Variants in SNTG1 observed in about 807,000 individuals in gnomAD.
The protein encoded by SNTG1 is gamma-1-syntrophin.
A neutral mutation model predicts 74.7 loss-of-function variants in SNTG1; 39 were observed. That is an observed-to-expected ratio of 0.52 (90% CI 0.40 to 0.68). SNTG1 has a LOEUF of 0.68. SNTG1 is among the 30% of genes least tolerant of loss of function. SNTG1 has a pLI of 0.00. For missense variants in SNTG1, 685 were observed against 609.5 expected (o/e 1.12, Z -1.30); for synonymous variants, 254 against 217.1 (o/e 1.17, Z -1.49).
intron 1 of SNTG1, among the ~76,000 whole-genome samples, chr8:50,108,584 C>T (rs762557938): frequency 2.6e-5 from 4 of 152,114 alleles, no homozygotes; most frequent in African/African-American, 4.8e-5. Context: ...ACAAAACTTT[C>T]GGTAAAATTT....
intron 1 of SNTG1, among the ~76,000 whole-genome samples, chr8:50,072,716 G>C (rs1821479309): frequency 6.6e-6 from 1 of 152,126 alleles, no homozygotes; most frequent in South Asian, 2.1e-4. Flanking sequence ...AAATAGCAAA[G>C]CTAACATTAA....
chr8:50,592,592 C>A (rs1011012452), intron 13 of SNTG1, among the ~76,000 whole-genome samples: 1 of 152,034 alleles, frequency 6.6e-6, no homozygotes, highest in Non-Finnish European at 1.5e-5. Context: ...ACACATAGAA[C>A]AAGTAATAAA....
intron 1 of SNTG1, among the ~76,000 whole-genome samples, chr8:50,097,197 C>G (rs945108212): frequency 1.3e-5 from 2 of 151,882 alleles, no homozygotes; most frequent in African/African-American, 2.4e-5. Context: ...GTCTCAATCT[C>G]CTGACCTCGT....
At chr8:50,516,977 C>T (rs1450214236) in intron 9 of SNTG1, among the ~76,000 whole-genome samples, 2 of 151,960 alleles carry the variant, frequency 1.3e-5, no homozygotes, top group Admixed American at 6.6e-5. Flanking sequence ...AAGAGCAATC[C>T]CAAGACACAT....
At chr8:49,926,001 A>G (rs879474263) in intron 1 of SNTG1, among the ~76,000 whole-genome samples, 28 of 152,220 alleles carry the variant, frequency 1.8e-4, no homozygotes, top group Non-Finnish European at 3.4e-4. Context: ...GAAGGTAGGT[A>G]GACCAGGTAC....
intron 4 of SNTG1, among the ~76,000 whole-genome samples, chr8:50,406,285 C>G (rs927207145): frequency 6.6e-6 from 1 of 151,860 alleles, no homozygotes; most frequent in Non-Finnish European, 1.5e-5. Flanking sequence ...AACCTTAGTA[C>G]TTGATAATTT....
chr8:50,663,560 G>C (rs971194152), intron 15 of SNTG1, among the ~76,000 whole-genome samples: 29 of 152,064 alleles, frequency 1.9e-4, no homozygotes, highest in African/African-American at 6.3e-4. Flanking sequence ...GCTCTGGTTT[G>C]ACTCGTTTTG....
At chr8:50,629,055 T>C (rs1036217469) in intron 13 of SNTG1, among the ~76,000 whole-genome samples, 2 of 152,132 alleles carry the variant, frequency 1.3e-5, no homozygotes, top group Non-Finnish European at 2.9e-5. Flanking sequence ...AGAATAGTAG[T>C]TGCCAGAGCC....
At chr8:50,579,969 G>A (rs112632252) in intron 12 of SNTG1, among the ~76,000 whole-genome samples, 7,058 of 152,274 alleles carry the variant, frequency 0.046, 290 homozygotes, top group African/African-American at 0.11. Context: ...AACTACTGAC[G>A]GCTTGCACCG....
intron 2 of SNTG1, among the ~76,000 whole-genome samples, chr8:50,272,441 A>G (rs923470684): frequency 6.6e-6 from 1 of 152,168 alleles, no homozygotes; most frequent in African/African-American, 2.4e-5. Context: ...CCAGGTGTGC[A>G]CAGAACTTTG....
At chr8:50,688,089 T>C (rs967274506) in intron 15 of SNTG1, among the ~76,000 whole-genome samples, 43 of 152,192 alleles carry the variant, frequency 2.8e-4, no homozygotes, top group Non-Finnish European at 5.3e-4. Context: ...CTTCACCCAC[T>C]TTTTGATGGG....
intron 2 of SNTG1, among the ~76,000 whole-genome samples, chr8:50,245,923 T>A (rs1563792372): frequency 6.6e-6 from 1 of 151,988 alleles, no homozygotes; most frequent in South Asian, 2.1e-4. Context: ...AAGAATTACA[T>A]CAATGCCTAT....
chr8:50,402,123 C>A, intron 3 of SNTG1, 87 bp from the exon 4 acceptor site: 2 of 1,327,794 alleles, frequency 1.5e-6, no homozygotes, highest in East Asian at 2.4e-5. Context: ...TGTTATTCAC[C>A]ATGTTTTGCT....
chr8:50,425,365 C>T (rs921632739), intron 4 of SNTG1, among the ~76,000 whole-genome samples: 12 of 151,576 alleles, frequency 7.9e-5, no homozygotes, highest in African/African-American at 2.9e-4. Context: ...CATAGAAGCA[C>T]ATACCCTATT....
intron 2 of SNTG1, among the ~76,000 whole-genome samples, chr8:50,234,208 A>T (rs549679846): frequency 6.6e-6 from 1 of 152,024 alleles, no homozygotes; most frequent in Non-Finnish European, 1.5e-5. Flanking sequence ...ATCATGATAT[A>T]CTTTCATCAG....
At chr8:50,171,414 C>G (rs1049233810) in intron 1 of SNTG1, among the ~76,000 whole-genome samples, 1 of 152,078 alleles carries the variant, frequency 6.6e-6, no homozygotes, top group Non-Finnish European at 1.5e-5. Context: ...AATATGTAGG[C>G]TGGGCCGCTA....
intron 18 of SNTG1, 41 bp from the exon 19 acceptor site, chr8:50,792,630 T>C: frequency 6.5e-7 from 1 of 1,549,386 alleles, no homozygotes; most frequent in Non-Finnish European, 8.7e-7. Context: ...TTAAAGACAT[T>C]AATTTTTATG....
intron 2 of SNTG1, among the ~76,000 whole-genome samples, chr8:50,197,489 A>T (rs886867215): frequency 6.6e-6 from 1 of 152,124 alleles, no homozygotes; most frequent in Non-Finnish European, 1.5e-5. Context: ...TGTTCTCCAG[A>T]GATTGACTTT....
intron 9 of SNTG1, among the ~76,000 whole-genome samples, chr8:50,510,585 A>G (rs1477466568): frequency 6.6e-6 from 1 of 152,134 alleles, no homozygotes; most frequent in African/African-American, 2.4e-5. Flanking sequence ...TATTGCCACA[A>G]TTTCAGAGCC....
Sources: gnomAD v4.1 joint callset for allele counts (sites outside exome capture counted in the v4.1 genomes callset) on GRCh38, gnomAD v4.1.1 for gene constraint, MANE v1.5 for transcripts, NCBI Gene and HGNC (gene_info 2026-07-23, HGNC 2026-07-21) for gene names.